ASAP1: variants seen among roughly 807,000 people sequenced by gnomAD.
ASAP1 encodes ArfGAP with SH3 domain, ankyrin repeat and PH domain 1.
ASAP1 carries 43 observed loss-of-function variants against 145.2 expected under a neutral mutation model. The ratio of observed to expected loss-of-function variants is 0.30; its 90% CI spans 0.23 to 0.38. The LOEUF is 0.38. Ranked by LOEUF, ASAP1 falls within the 10% of genes least tolerant of loss-of-function variation. The pLI is 1.00. For missense variants in ASAP1, 1,018 were observed against 1,355.3 expected (o/e 0.75, Z 3.91); for synonymous variants, 546 against 515.5 (o/e 1.06, Z -0.80).
At chr8:130,188,822 A>G (rs945341916) in intron 5 of ASAP1, among the ~76,000 whole-genome samples, 1 of 152,006 alleles carries the variant, frequency 6.6e-6, no homozygotes, top group Non-Finnish European at 1.5e-5. Context: ...CAGTACACGT[A>G]TATGTGTACA....
intron 1 of ASAP1, among the ~76,000 whole-genome samples, chr8:130,417,989 G>A (rs996296185): frequency 3.3e-5 from 5 of 152,214 alleles, no homozygotes; most frequent in African/African-American, 1.2e-4. Flanking sequence ...TATTGCTTAT[G>A]TGCCCAGATG....
At chr8:130,196,565 G>A (rs539320417) in intron 5 of ASAP1, among the ~76,000 whole-genome samples, 1 of 152,304 alleles carries the variant, frequency 6.6e-6, no homozygotes, top group Non-Finnish European at 1.5e-5. Flanking sequence ...GAAGAGCAGA[G>A]CACAGCTCTA....
chr8:130,077,545 T>TC, intron 26 of ASAP1, among the ~76,000 whole-genome samples: 3 of 140,742 alleles, frequency 2.1e-5, no homozygotes, highest in South Asian at 4.9e-4. Flanking sequence ...TGCTTTTTTT[T>TC]TTTTTTTTTT....
chr8:130,118,368 G>A (rs958506631), intron 19 of ASAP1, 121 bp downstream of exon 19: 1 of 1,341,524 alleles, frequency 7.5e-7, no homozygotes. Context: ...ATATTCTCTT[G>A]ATTTAGACAT....
At chr8:130,114,343 A>G (rs1186042969) in intron 23 of ASAP1, among the ~76,000 whole-genome samples, 1 of 152,240 alleles carries the variant, frequency 6.6e-6, no homozygotes, top group Non-Finnish European at 1.5e-5. Context: ...ATTGTAAACA[A>G]CTGTAACACA....
intron 24 of ASAP1, among the ~76,000 whole-genome samples, chr8:130,095,294 ATTTTTTTTTTT>A (rs71302392): frequency 1.0e-5 from 1 of 95,704 alleles, no homozygotes; most frequent in African/African-American, 4.3e-5. Flanking sequence ...TAGGCCAGTG[ATTTTTTTTTTT>A]TTTTTTTTTT....
intron 3 of ASAP1, among the ~76,000 whole-genome samples, chr8:130,277,753 A>G (rs1260995963): frequency 2.0e-5 from 3 of 152,218 alleles, no homozygotes; most frequent in African/African-American, 7.2e-5. Context: ...AGATTTCTCA[A>G]AAGAGTTTAC....
At chr8:130,058,958 C>G (rs1027391988) in intron 28 of ASAP1, among the ~76,000 whole-genome samples, 6 of 152,148 alleles carry the variant, frequency 3.9e-5, no homozygotes, top group Non-Finnish European at 8.8e-5. Context: ...TAATTTATAA[C>G]ACAGAGATTA....
rs180699529 is a variant in ASAP1 at position 130,247,198 on chromosome 8, C to G, written c.187-10204G>C. 3.3e-5 allele frequency among the ~76,000 whole-genome samples: 5 copies of G among 150,934 alleles called. 1 individual carries two copies. In the Admixed American group the frequency reaches 3.3e-4, roughly 10 times the overall value. On this transcript the variant is annotated intron_variant, in intron 3 of 29. Coordinates refer to ENST00000518721, the MANE Select transcript of ASAP1 (RefSeq NM_018482.4). The stretch of plus-strand genomic sequence containing the variant: ...CACAGACATGTGTTTGCTTCTTTTC[C>G]TCCTTTCCCCAATGGTCCTCAGAGT...
intron 3 of ASAP1, among the ~76,000 whole-genome samples, chr8:130,238,264 G>A (rs904253451): frequency 2.0e-5 from 3 of 152,192 alleles, no homozygotes; most frequent in South Asian, 2.1e-4. Context: ...ATGCTCAGTC[G>A]CTTTCTGGTC....
intron 9 of ASAP1, among the ~76,000 whole-genome samples, chr8:130,170,685 T>G (rs1190643853): frequency 7.2e-5 from 11 of 152,170 alleles, no homozygotes; most frequent in African/African-American, 2.4e-4. Context: ...AATGGCCTTT[T>G]AGTTAACCAT....
chr8:130,176,208 T>A (rs533911723), intron 9 of ASAP1, among the ~76,000 whole-genome samples: 4 of 152,218 alleles, frequency 2.6e-5, no homozygotes, highest in Non-Finnish European at 5.9e-5. Context: ...CACTGTTGAA[T>A]ACCAGCTGAC....
intron 2 of ASAP1, among the ~76,000 whole-genome samples, chr8:130,359,934 G>A (rs1441876303): frequency 2.0e-5 from 3 of 152,234 alleles, no homozygotes; most frequent in Non-Finnish European, 4.4e-5. Context: ...ATCTTGCACT[G>A]TTAAGCCTCA....
chr8:130,338,651 C>T (rs1274660104), intron 3 of ASAP1, among the ~76,000 whole-genome samples: 2 of 152,146 alleles, frequency 1.3e-5, no homozygotes, highest in Admixed American at 1.3e-4. Context: ...GGAAAATGTA[C>T]ACACTGGGCT....
At chr8:130,282,884 G>A (rs893481745) in intron 3 of ASAP1, among the ~76,000 whole-genome samples, 1 of 152,196 alleles carries the variant, frequency 6.6e-6, no homozygotes, top group Non-Finnish European at 1.5e-5. Flanking sequence ...AACAAGGAGT[G>A]GGTTTCGCTG....
intron 11 of ASAP1, among the ~76,000 whole-genome samples, chr8:130,161,177 C>T (rs1036999525): frequency 7.9e-5 from 12 of 151,854 alleles, no homozygotes; most frequent in Non-Finnish European, 1.2e-4. Flanking sequence ...TAGGAATAGC[C>T]ACAAATTGTA....
intron 5 of ASAP1, among the ~76,000 whole-genome samples, chr8:130,191,811 T>C (rs1815158878): frequency 6.6e-6 from 1 of 152,158 alleles, no homozygotes; most frequent in African/African-American, 2.4e-5. Flanking sequence ...TTAAATGCTA[T>C]GGCATGCTAA....
intron 5 of ASAP1, among the ~76,000 whole-genome samples, chr8:130,188,741 A>AAAAAAAG (rs1814928134): frequency 2.8e-5 from 4 of 144,968 alleles, no homozygotes; most frequent in East Asian, 2.0e-4. Context: ...AAAAAAAAAA[A>AAAAAAAG]AAAAGAAAAG....
At chr8:130,076,288 C>T (rs2097462138) in intron 27 of ASAP1, 60 bp downstream of exon 27, 2 of 1,297,498 alleles carry the variant, frequency 1.5e-6, no homozygotes, top group Admixed American at 2.0e-5. Flanking sequence ...AAACCTTGGG[C>T]CCCTTGGAGG....
Sources: gnomAD v4.1 joint callset for allele counts (sites outside exome capture counted in the v4.1 genomes callset) on GRCh38, gnomAD v4.1.1 for gene constraint, MANE v1.5 for transcripts, NCBI Gene and HGNC (gene_info 2026-07-23, HGNC 2026-07-21) for gene names.